CCL28: variants seen among roughly 807,000 people sequenced by gnomAD.
The protein encoded by CCL28 is C-C motif chemokine 28.
Under a neutral mutation model 7.1 loss-of-function variants are expected in CCL28, and 4 were observed. The ratio of observed to expected loss-of-function variants is 0.56; its 90% CI spans 0.28 to 1.29. CCL28 has a LOEUF of 1.29. CCL28 is among the 50% of genes most tolerant of loss of function. The pLI, the probability that CCL28 is intolerant of heterozygous loss-of-function variation, is 0.11. For missense variants in CCL28, 151 were observed against 163.4 expected (o/e 0.92, Z 0.41); for synonymous variants, 55 against 57.8 (o/e 0.95, Z 0.22).
At chr5:43,375,310 A>ATT (rs1446218682), downstream of CCL28, among the ~76,000 whole-genome samples, 1 of 146,732 alleles carries the variant, frequency 6.8e-6, no homozygotes, top group African/African-American at 2.5e-5. Context: ...TATTAAAAGG[A>ATT]GTAAAAATGC....
At chr5:43,359,830 C>T in the CCL28 span, among the ~76,000 whole-genome samples, 1 of 152,044 alleles carries the variant, frequency 6.6e-6, no homozygotes, top group African/African-American at 2.4e-5. Context: ...ATGACACCCC[C>T]CAGGCCTGTG....
chr5:43,397,656 A>T (rs1373002920), intron 1 of CCL28, among the ~76,000 whole-genome samples: 1 of 152,238 alleles, frequency 6.6e-6, no homozygotes, highest in Non-Finnish European at 1.5e-5. Flanking sequence ...TTAAATAAAA[A>T]CAAAATCTGA....
chr5:43,387,294 T>C (rs1740380157), intron 2 of CCL28, among the ~76,000 whole-genome samples: 1 of 152,232 alleles, frequency 6.6e-6, no homozygotes. Context: ...AAGTGAACCG[T>C]GTAACCTGAG....
At chr5:43,368,432 T>A in the CCL28 span, among the ~76,000 whole-genome samples, 4 of 152,190 alleles carry the variant, frequency 2.6e-5, no homozygotes, top group Non-Finnish European at 5.9e-5. Flanking sequence ...TGGATGGTCA[T>A]GTGGCCATGC....
intron 1 of CCL28, among the ~76,000 whole-genome samples, chr5:43,393,263 G>T (rs1244752970): frequency 1.3e-5 from 2 of 152,014 alleles, no homozygotes; most frequent in Non-Finnish European, 2.9e-5. Flanking sequence ...CCAAGTCCTG[G>T]ACTCAAGGGA....
chr5:43,405,224 C>T (rs1406751293), intron 1 of CCL28, among the ~76,000 whole-genome samples: 1 of 152,306 alleles, frequency 6.6e-6, no homozygotes, highest in Admixed American at 6.5e-5. Flanking sequence ...CATCACATTG[C>T]ACTTATTCCA....
intron 1 of CCL28, among the ~76,000 whole-genome samples, chr5:43,404,602 A>G (rs542850890): frequency 6.6e-6 from 1 of 152,204 alleles, no homozygotes; most frequent in Non-Finnish European, 1.5e-5. Context: ...TGCATCAACT[A>G]ACGGGCAAAA....
intron 1 of CCL28, among the ~76,000 whole-genome samples, chr5:43,404,027 G>C (rs1027738386): frequency 2.0e-5 from 3 of 152,292 alleles, no homozygotes; most frequent in East Asian, 3.9e-4. Context: ...CCAAATCTAC[G>C]TCTGATTGGT....
At position 43,380,415 on chromosome 5, in the gene CCL28, CCT is replaced by C. The variant is rs1296507813; in HGVS notation, c.*1443_*1444del. On this transcript the variant is annotated 3_prime_UTR_variant, in exon 3 of 3. Coordinates refer to ENST00000361115, the MANE Select transcript of CCL28 (RefSeq NM_148672.3). The stretch of plus-strand genomic sequence containing the variant: ...AAACTATTCTATTTAGAAAATAAAC[CCT>C]AATATTTATGAACTCTAAATGACAA... 6.6e-6 allele frequency: 1 copy of C among 151,968 alleles called. No homozygotes were observed. The highest frequency in any genetic ancestry group is 2.4e-5 in the African/African-American group (1 of 41,338). The allele number at this position is 151,968 out of a possible 1,614,324, so 9.4% of individuals were successfully genotyped here.
chr5:43,387,086 T>C (rs1740368074), intron 2 of CCL28, among the ~76,000 whole-genome samples: 1 of 152,214 alleles, frequency 6.6e-6, no homozygotes, highest in Admixed American at 6.5e-5. Context: ...AATGACTCAC[T>C]AGCATCACCT....
At chr5:43,382,327 G>A (rs973454636) in intron 2 of CCL28, among the ~76,000 whole-genome samples, 2 of 152,086 alleles carry the variant, frequency 1.3e-5, no homozygotes, top group African/African-American at 2.4e-5. Flanking sequence ...GGATGAGGAA[G>A]AGAAGAAGGA....
chr5:43,393,292 C>T (rs1030426483), intron 1 of CCL28, among the ~76,000 whole-genome samples: 2 of 152,036 alleles, frequency 1.3e-5, no homozygotes, highest in Non-Finnish European at 2.9e-5. Flanking sequence ...CCTTGGCCTC[C>T]CCAAATGTTG....
intron 1 of CCL28, among the ~76,000 whole-genome samples, chr5:43,406,716 G>C (rs2111899723): frequency 6.6e-6 from 1 of 152,340 alleles, no homozygotes; most frequent in African/African-American, 2.4e-5. Context: ...CCTGTCTGCA[G>C]ACGACATGAT....
At position 43,381,896 on chromosome 5, in the gene CCL28, C is replaced by T. The variant is rs1740132307; in HGVS notation, c.348G>A (p.Gly116=). The T allele has an allele frequency of 6.2e-7, 1 of 1,613,780 alleles. No individual in the cohort carries two copies. Among genetic ancestry groups the T allele is most frequent in the African/African-American group, 1.3e-5 (1 of 74,898 alleles). Reference sequence around the variant, plus strand: ...TTTTATGGCCGTATGTTTCGTGTTTCCCCTGATGTGCCCTGTTACTGTTCC... The same window carrying T: ...TTTTATGGCCGTATGTTTCGTGTTTTCCCTGATGTGCCCTGTTACTGTTCC... ...GKRNSNRAHQ[G]KHETYGHKTP... Residue 116 remains glycine (G), a synonymous_variant, in exon 3 of 3, where the codon GGG becomes GGA. Coordinates refer to ENST00000361115, the MANE Select transcript of CCL28 (RefSeq NM_148672.3).
chr5:43,387,306 C>T (rs1211932894), intron 2 of CCL28, among the ~76,000 whole-genome samples: 2 of 152,224 alleles, frequency 1.3e-5, no homozygotes, highest in Non-Finnish European at 2.9e-5. Flanking sequence ...TAACCTGAGT[C>T]ACAGCTTTCT....
intron 1 of CCL28, among the ~76,000 whole-genome samples, chr5:43,388,714 G>A (rs1240138123): frequency 6.6e-6 from 1 of 152,210 alleles, no homozygotes; most frequent in Non-Finnish European, 1.5e-5. Context: ...GAGATGAAAA[G>A]AGTTACAGAC....
downstream of CCL28, among the ~76,000 whole-genome samples, chr5:43,378,213 T>C (rs1373483688): frequency 2.0e-5 from 3 of 151,640 alleles, no homozygotes; most frequent in African/African-American, 7.3e-5. Flanking sequence ...TAGCCAGACA[T>C]GGTGGCACAT....
At chr5:43,397,861 CT>C (rs568849476) in intron 1 of CCL28, among the ~76,000 whole-genome samples, 5 of 151,914 alleles carry the variant, frequency 3.3e-5, no homozygotes, top group African/African-American at 1.2e-4. Context: ...TTTATTCTCT[CT>C]TTTTTTTGCG....
chr5:43,411,453 G>A (rs1240026944), intron 1 of CCL28, among the ~76,000 whole-genome samples: 1 of 152,094 alleles, frequency 6.6e-6, no homozygotes, highest in Non-Finnish European at 1.5e-5. Context: ...GACATAATTT[G>A]TATGGTTCAA....
Sources: allele counts gnomAD v4.1 joint callset (sites outside exome capture counted in the v4.1 genomes callset), GRCh38; gene constraint gnomAD v4.1.1; transcripts MANE v1.5; gene names NCBI Gene and HGNC (gene_info 2026-07-23, HGNC 2026-07-21).